ATP2C1: variants seen among roughly 807,000 people sequenced by gnomAD.
ATP2C1 encodes the protein calcium-transporting ATPase type 2C member 1.
ATP2C1 carries 31 observed loss-of-function variants against 120.5 expected under a neutral mutation model. That is an observed-to-expected ratio of 0.26 (90% CI 0.19 to 0.35). ATP2C1 has a LOEUF of 0.35. ATP2C1 is among the 10% of genes least tolerant of loss of function. The pLI, the probability that ATP2C1 is intolerant of heterozygous loss-of-function variation, is 1.00. For missense variants in ATP2C1, 731 were observed against 1,107.5 expected, an observed-to-expected ratio of 0.66 and a Z score of 4.83; for synonymous variants, 351 against 358.7, an observed-to-expected ratio of 0.98 and a Z score of 0.24.
chr3:130,888,954 T>A (rs1411857039), intron 1 of ATP2C1, among the ~76,000 whole-genome samples: 5 of 152,204 alleles, frequency 3.3e-5, no homozygotes, highest in Non-Finnish European at 7.3e-5. Context: ...ACTTCGAATA[T>A]TAAACACTGA....
At chr3:130,926,763 A>C (rs1263006729) in intron 2 of ATP2C1, among the ~76,000 whole-genome samples, 1 of 152,232 alleles carries the variant, frequency 6.6e-6, no homozygotes, top group Non-Finnish European at 1.5e-5. Context: ...CTCCATGTGT[A>C]TTTTATGCAT....
In ATP2C1 at chr3:130,994,655, T is replaced by G. The variant is rs191752247; in HGVS notation, c.2057+557T>G. On this transcript the variant is annotated intron_variant, in intron 22 of 27. Coordinates refer to ENST00000510168, the MANE Select transcript of ATP2C1 (RefSeq NM_001378687.1). ...TGGGGATCATGTGAATCCCATTTAT[T>G]TATTTATTTATTTTTTTGGTAGCTA... 4.4e-3 allele frequency among the ~76,000 whole-genome samples: 677 copies of G among 152,188 alleles called. 3 individuals are homozygous for G. The highest frequency in any genetic ancestry group is 8.1e-3 in the Non-Finnish European group (548 of 68,014).
At chr3:130,958,683 G>T (rs2060686728) in intron 11 of ATP2C1, among the ~76,000 whole-genome samples, 2 of 152,108 alleles carry the variant, frequency 1.3e-5, no homozygotes, top group African/African-American at 4.8e-5. Context: ...AAAGCAAGGA[G>T]TATTGGTTTA....
intron 25 of ATP2C1, 111 bp downstream of exon 25, chr3:130,997,864 T>C (rs564202484): frequency 9.3e-7 from 1 of 1,078,352 alleles, no homozygotes; most frequent in South Asian, 1.3e-5. Flanking sequence ...GGAGCTCTTT[T>C]AGTGAAAAAT....
At chr3:130,857,528 T>A (rs996975288) in intron 1 of ATP2C1, among the ~76,000 whole-genome samples, 3 of 152,196 alleles carry the variant, frequency 2.0e-5, no homozygotes, top group African/African-American at 7.2e-5. Flanking sequence ...CGTCATTACT[T>A]CTTGCCTGAA....
intron 1 of ATP2C1, among the ~76,000 whole-genome samples, chr3:130,876,423 A>G (rs935587997): frequency 6.6e-6 from 1 of 152,102 alleles, no homozygotes; most frequent in African/African-American, 2.4e-5. Context: ...TTTTCTGAAA[A>G]TTAGTTGGCT....
At chr3:130,930,246 T>C (rs1222021936) in intron 2 of ATP2C1, 170 bp from the exon 3 acceptor site, 9 of 654,630 alleles carry the variant, frequency 1.4e-5, no homozygotes, top group Non-Finnish European at 2.5e-5. Context: ...AGAAGTAGCA[T>C]GTGGTTAGTA....
intron 1 of ATP2C1, among the ~76,000 whole-genome samples, chr3:130,881,997 A>G (rs1167515294): frequency 2.6e-5 from 4 of 152,202 alleles, no homozygotes; most frequent in Non-Finnish European, 5.9e-5. Flanking sequence ...TCATCTGCAA[A>G]TAAAAATAAT....
intron 1 of ATP2C1, among the ~76,000 whole-genome samples, chr3:130,856,624 C>T (rs2067849632): frequency 6.6e-6 from 1 of 152,192 alleles, no homozygotes; most frequent in Admixed American, 6.5e-5. Context: ...ACTAAAAGTG[C>T]TTCTCCATGT....
downstream of ATP2C1, among the ~76,000 whole-genome samples, chr3:131,004,448 G>T (rs370406857): frequency 6.6e-6 from 1 of 152,206 alleles, no homozygotes; most frequent in African/African-American, 2.4e-5. Context: ...GTTAATAATG[G>T]ATAATGGTTA....
chr3:130,938,948 A>G (rs886826295), intron 6 of ATP2C1, among the ~76,000 whole-genome samples: 23 of 152,266 alleles, frequency 1.5e-4, no homozygotes, highest in African/African-American at 5.5e-4. Context: ...TACACAAGAT[A>G]GTGTTGTTAT....
At chr3:130,892,495 T>C (rs1294466791), upstream of ATP2C1, among the ~76,000 whole-genome samples, 1 of 151,632 alleles carries the variant, frequency 6.6e-6, no homozygotes, top group Non-Finnish European at 1.5e-5. Flanking sequence ...TTTTTATGGG[T>C]TCATCTTTAA....
At chr3:130,871,262 G>A (rs2068419612) in intron 1 of ATP2C1, among the ~76,000 whole-genome samples, 1 of 152,212 alleles carries the variant, frequency 6.6e-6, no homozygotes, top group South Asian at 2.1e-4. Context: ...ATATCTCTGA[G>A]TTATCCCTGT....
intron 1 of ATP2C1, among the ~76,000 whole-genome samples, chr3:130,883,330 C>A (rs2068845580): frequency 6.6e-6 from 1 of 151,908 alleles, no homozygotes; most frequent in African/African-American, 2.4e-5. Flanking sequence ...TTGTTTTCTT[C>A]ATTTCAAACT....
chr3:130,922,306 T>G (rs1008190589), intron 2 of ATP2C1, among the ~76,000 whole-genome samples: 1 of 152,186 alleles, frequency 6.6e-6, no homozygotes, highest in Non-Finnish European at 1.5e-5. Flanking sequence ...AGTTGTAATA[T>G]CTCCTGTTTC....
intron 2 of ATP2C1, among the ~76,000 whole-genome samples, chr3:130,915,280 G>C (rs979307981): frequency 1.3e-5 from 2 of 152,000 alleles, no homozygotes; most frequent in African/African-American, 4.8e-5. Context: ...TTGTAGTAGA[G>C]ACAGGGTTTT....
At chr3:130,884,527 C>G (rs903884324) in intron 1 of ATP2C1, among the ~76,000 whole-genome samples, 1 of 151,866 alleles carries the variant, frequency 6.6e-6, no homozygotes, top group African/African-American at 2.4e-5. Context: ...TCCACTTGGT[C>G]TACAGTGCAG....
chr3:130,960,739 C>G (rs201352326), intron 12 of ATP2C1, among the ~76,000 whole-genome samples: 1 of 152,060 alleles, frequency 6.6e-6, no homozygotes, highest in East Asian at 1.9e-4. Flanking sequence ...GGCAATTGAT[C>G]ATAAATCTGT....
At chr3:130,903,200 A>T (rs1263637771) in intron 2 of ATP2C1, among the ~76,000 whole-genome samples, 3 of 152,086 alleles carry the variant, frequency 2.0e-5, no homozygotes, top group Admixed American at 2.0e-4. Context: ...TTAAACTAAG[A>T]TTATTTAAAT....
Sources: gnomAD v4.1 joint callset for allele counts (sites outside exome capture counted in the v4.1 genomes callset) on GRCh38, gnomAD v4.1.1 for gene constraint, MANE v1.5 for transcripts, NCBI Gene and HGNC (gene_info 2026-07-23, HGNC 2026-07-21) for gene names.